Variants in TMEM178A observed in about 807,000 individuals in gnomAD.
The protein encoded by TMEM178A is transmembrane protein 178A.
TMEM178A carries 12 observed loss-of-function variants against 29.1 expected under a neutral mutation model. The observed-to-expected ratio is 0.41, with a 90% CI of 0.26 to 0.67. TMEM178A has a LOEUF of 0.67. Ranked by LOEUF, TMEM178A falls within the 30% of genes least tolerant of loss-of-function variation. The pLI is 0.29. For missense variants in TMEM178A, 366 were observed against 419.1 expected (o/e 0.87, Z 1.11); for synonymous variants, 210 against 187.2 (o/e 1.12, Z -0.99).
Position 39,666,339 on chromosome 2 carries a change from G to A in TMEM178A, c.365G>A (p.Gly122Asp). 6.9e-7 allele frequency: 1 copy of A among 1,447,636 alleles called. No individual in the cohort carries two copies. The highest frequency in any genetic ancestry group is 1.3e-5 in the South Asian group (1 of 74,574). The allele number at this position is 1,447,636 out of a possible 1,614,324, so 89.7% of individuals were successfully genotyped here. ...CTCTGGAGGAAGTGCTACTTCCTGG[G>A]CATCGACCGGGACATCGACACCCTC... Reference protein sequence around the residue: ...SGLWRKCYFLGIDRDIDTLIL... With the variant: ...SGLWRKCYFLDIDRDIDTLIL... The change falls in exon 1 of 4, where the codon GGC (glycine) becomes GAC (aspartate). Residue 122 changes from glycine to aspartate, a missense_variant. Physicochemically the swap from Gly to Asp is moderately conservative, Grantham distance 94 (BLOSUM62 -1). Coordinates refer to ENST00000281961, the MANE Select transcript of TMEM178A (RefSeq NM_152390.3).
At chr2:39,683,103 A>T (rs1670938138) in intron 1 of TMEM178A, among the ~76,000 whole-genome samples, 1 of 152,180 alleles carries the variant, frequency 6.6e-6, no homozygotes, top group South Asian at 2.1e-4. Context: ...GAAAATTTAA[A>T]TTGGTTATTC....
In TMEM178A at chr2:39,686,546, T is replaced by C. The variant is rs534991842; in HGVS notation, c.401-17535T>C. Among the ~76,000 whole-genome samples the C allele has an allele frequency of 1.1e-4, 17 of 152,254 alleles. No individual in the cohort carries two copies. In the South Asian group the frequency reaches 3.3e-3, roughly 30 times the overall value. On this transcript the variant is annotated intron_variant, in intron 1 of 3. Coordinates refer to ENST00000281961, the MANE Select transcript of TMEM178A (RefSeq NM_152390.3). ...GGGTGATGCTTAAGTATAAGGCAGC[T>C]GGAATGTTTTCCCCTTGGGTTGAGG...
At chr2:39,685,490 T>G (rs1671039039) in intron 1 of TMEM178A, among the ~76,000 whole-genome samples, 1 of 152,200 alleles carries the variant, frequency 6.6e-6, no homozygotes, top group Non-Finnish European at 1.5e-5. Context: ...GACTCTAAGC[T>G]CTGTGAGGGT....
chr2:39,708,639 G>C (rs192063572), intron 3 of TMEM178A, among the ~76,000 whole-genome samples: 1 of 151,232 alleles, frequency 6.6e-6, no homozygotes, highest in Non-Finnish European at 1.5e-5. Context: ...GGATGGTCTC[G>C]ATCTCCTGAC....
At chr2:39,685,841 A>G (rs1158267482) in intron 1 of TMEM178A, among the ~76,000 whole-genome samples, 1 of 152,228 alleles carries the variant, frequency 6.6e-6, no homozygotes, top group Non-Finnish European at 1.5e-5. Context: ...GAGGCTGTGT[A>G]GAATGAAGAA....
At chr2:39,676,911 T>A (rs1405353872) in intron 1 of TMEM178A, among the ~76,000 whole-genome samples, 2 of 152,216 alleles carry the variant, frequency 1.3e-5, no homozygotes, top group Non-Finnish European at 2.9e-5. Flanking sequence ...TGTGCTTTTC[T>A]GTTTGAAGAG....
At chr2:39,697,494 C>T (rs1346558335) in intron 1 of TMEM178A, among the ~76,000 whole-genome samples, 1 of 152,194 alleles carries the variant, frequency 6.6e-6, no homozygotes, top group Non-Finnish European at 1.5e-5. Context: ...GAGTGGAACA[C>T]CTGGACCATA....
At chr2:39,666,641 T>C (rs1221458005) in intron 1 of TMEM178A, among the ~76,000 whole-genome samples, 1 of 152,184 alleles carries the variant, frequency 6.6e-6, no homozygotes, top group East Asian at 1.9e-4. Context: ...CTCTGTCTCC[T>C]TCTTTCCTGC....
At chr2:39,670,393 ATCCCTGCCTTCAT>A (rs1332006340) in intron 1 of TMEM178A, among the ~76,000 whole-genome samples, 1 of 152,226 alleles carries the variant, frequency 6.6e-6, no homozygotes, top group African/African-American at 2.4e-5. Flanking sequence ...ATAGATAAAA[ATCCCTGCCTTCAT>A]AGAGTTTATT....
chr2:39,708,665 C>T (rs113379602), intron 3 of TMEM178A, among the ~76,000 whole-genome samples: 3,876 of 151,982 alleles, frequency 0.026, 153 homozygotes, highest in African/African-American at 0.088. Flanking sequence ...GATCCGCCCG[C>T]CTCGGCCTCC....
chr2:39,712,350 CAA>C lies in TMEM178A; in HGVS notation c.653-4657_653-4656del, dbSNP rs1431280276. On this transcript the variant is annotated intron_variant, in intron 3 of 3. Coordinates refer to ENST00000281961, the MANE Select transcript of TMEM178A (RefSeq NM_152390.3). ...TTTAAGCACATTAAAAAACGGTGGT[CAA>C]AAGAGTGGGCCCCGTTACCCTAATT... is the stretch of plus-strand genomic sequence containing the variant. 1.2e-4 allele frequency among the ~76,000 whole-genome samples: 19 copies of C among 152,068 alleles called. No individual in the cohort carries two copies. In the East Asian group the frequency reaches 3.5e-3, roughly 28 times the overall value.
At chr2:39,721,331 A>C (rs548868123), downstream of TMEM178A, among the ~76,000 whole-genome samples, 1 of 152,262 alleles carries the variant, frequency 6.6e-6, no homozygotes, top group African/African-American at 2.4e-5. Flanking sequence ...GTCCTAAAAC[A>C]TTAGAATATG....
At chr2:39,694,002 CTA>C (rs1046071498) in intron 1 of TMEM178A, among the ~76,000 whole-genome samples, 2 of 146,380 alleles carry the variant, frequency 1.4e-5, no homozygotes, top group Non-Finnish European at 3.0e-5. Flanking sequence ...ATGATGTTTA[CTA>C]TCTCTGAAAT....
intron 1 of TMEM178A, among the ~76,000 whole-genome samples, chr2:39,673,147 C>T (rs886700743): frequency 1.4e-5 from 2 of 147,620 alleles, no homozygotes; most frequent in Non-Finnish European, 3.1e-5. Flanking sequence ...TCAGATTGGC[C>T]ATCTCTTCAT....
chr2:39,729,937 C>T, the TMEM178A span, among the ~76,000 whole-genome samples: 2 of 152,092 alleles, frequency 1.3e-5, no homozygotes, highest in African/African-American at 2.4e-5. Flanking sequence ...ACCTTTTTCC[C>T]TATTTCTCTT....
chr2:39,688,784 CA>C (rs1380804161), intron 1 of TMEM178A, among the ~76,000 whole-genome samples: 2 of 152,106 alleles, frequency 1.3e-5, no homozygotes, highest in Non-Finnish European at 2.9e-5. Flanking sequence ...TTCAGAAATA[CA>C]ACTCTGTCAG....
At chr2:39,712,922 T>C (rs955640360) in intron 3 of TMEM178A, among the ~76,000 whole-genome samples, 1 of 152,264 alleles carries the variant, frequency 6.6e-6, no homozygotes, top group Non-Finnish European at 1.5e-5. Flanking sequence ...TTATCAGAAA[T>C]AACTTGCTAC....
At chr2:39,700,394 A>T (rs1671729669) in intron 1 of TMEM178A, among the ~76,000 whole-genome samples, 1 of 152,074 alleles carries the variant, frequency 6.6e-6, no homozygotes, top group Non-Finnish European at 1.5e-5. Flanking sequence ...TATCTTCTTG[A>T]TGGATAGACC....
chr2:39,671,162 T>C (rs1670393471), intron 1 of TMEM178A, among the ~76,000 whole-genome samples: 1 of 152,208 alleles, frequency 6.6e-6, no homozygotes, highest in Non-Finnish European at 1.5e-5. Flanking sequence ...AAATACTTTG[T>C]CATTTTGTTC....
Sources: allele counts gnomAD v4.1 joint callset (sites outside exome capture counted in the v4.1 genomes callset), GRCh38; gene constraint gnomAD v4.1.1; transcripts MANE v1.5; gene names NCBI Gene and HGNC (gene_info 2026-07-23, HGNC 2026-07-21).